Variants in NXPE3 observed in about 807,000 individuals in gnomAD.
NXPE3 encodes the protein NXPE family member 3.
In NXPE3, 26 loss-of-function variants were observed where a neutral mutation model predicts 46.1. The observed-to-expected ratio is 0.56, with a 90% CI of 0.41 to 0.78. The LOEUF (loss-of-function observed/expected upper bound fraction) is 0.78, where lower values mean the gene tolerates loss of function less well. NXPE3 is among the 30% of genes least tolerant of loss of function. The pLI is 0.00. For missense variants in NXPE3, 620 were observed against 686.0 expected, an observed-to-expected ratio of 0.90 and a Z score of 1.07; for synonymous variants, 272 against 257.9, an observed-to-expected ratio of 1.05 and a Z score of -0.52.
rs72937639 is a variant in NXPE3, at chr3:101,792,135, T to G, written c.93+6446T>G. ...GGGGTTGTTTCTTGTAGATTTTGTT[T>G]CAGTTCCTCATAGACACTGGATATT... On this transcript the variant is annotated intron_variant, in intron 4 of 7. Coordinates refer to ENST00000273347, the MANE Select transcript of NXPE3 (RefSeq NM_145037.4). Among the ~76,000 whole-genome samples, 477 of 152,312 alleles carry G rather than the reference T, an allele frequency of 3.1e-3. 2 individuals carry two copies. Among genetic ancestry groups the G allele is most frequent in the African/African-American group, 0.011 (444 of 41,564 alleles).
chr3:101,806,866 T>C (rs1277570227), intron 5 of NXPE3, among the ~76,000 whole-genome samples, 187 bp from the exon 6 acceptor site: 1 of 152,234 alleles, frequency 6.6e-6, no homozygotes, highest in Non-Finnish European at 1.5e-5. Context: ...TTTCAGTTTT[T>C]ATGTACATAA....
At position 101,822,928 on chromosome 3, in the gene NXPE3, C is replaced by T. The variant is rs1942322101; in HGVS notation, c.*974C>T. The T allele has an allele frequency of 6.6e-6, 1 of 151,494 alleles. No individual in the cohort carries two copies. Among genetic ancestry groups the T allele is most frequent in the African/African-American group, 2.4e-5 (1 of 41,220 alleles). The allele number at this position is 151,494 out of a possible 1,614,324, so 9.4% of individuals were successfully genotyped here. On this transcript the variant is annotated 3_prime_UTR_variant, in exon 8 of 8. Transcript: ENST00000273347. Reference sequence around the variant, plus strand: ...TAGAAATTAATAAGATACTAAAATTCATGACAGTTTTTTGTTTGTTTGTTT... The same window carrying T: ...TAGAAATTAATAAGATACTAAAATTTATGACAGTTTTTTGTTTGTTTGTTT...
Position 101,801,910 on chromosome 3 carries a change from T to G in NXPE3, c.769T>G (p.Cys257Gly), listed in dbSNP as rs760791122. Residue 257 changes from cysteine (C) to glycine (G), a missense_variant, in exon 5 of 8, where the codon TGC becomes GGC. Physicochemically the swap from Cys to Gly is radical, Grantham distance 159 (BLOSUM62 -3). Around this residue, in one of 3 missense-constraint regions of NXPE3, gnomAD observed 511 missense variants for 528.6 expected, o/e 0.97. Coordinates refer to ENST00000273347, the MANE Select transcript of NXPE3 (RefSeq NM_145037.4). ...CTGCTTCAAACCAAAGAAGCTCCCT[T>G]GCAGCAGCAGAATTACCCATTTCAA... is the stretch of plus-strand genomic sequence containing the variant. The part of the protein sequence containing the change: ...WFCFKPKKLP[C>G]SSRITHFKGG... 1.2e-5 allele frequency: 20 copies of G among 1,614,028 alleles called. No individual in the cohort carries two copies. The Admixed American group carries it at 3.3e-4, about 27-fold the overall frequency.
intron 4 of NXPE3, among the ~76,000 whole-genome samples, chr3:101,799,587 A>G (rs999884187): frequency 6.6e-6 from 1 of 151,914 alleles, no homozygotes; most frequent in Non-Finnish European, 1.5e-5. Flanking sequence ...CACCACACTC[A>G]GCTAATTTTT....
intron 4 of NXPE3, among the ~76,000 whole-genome samples, chr3:101,795,216 G>A (rs751241131): frequency 3.0e-4 from 45 of 152,210 alleles, no homozygotes; most frequent in Non-Finnish European, 6.0e-4. Context: ...AGACTCAATT[G>A]TAATGAAAAA....
At chr3:101,820,593 G>A (rs1487944402) in intron 7 of NXPE3, among the ~76,000 whole-genome samples, 8 of 152,270 alleles carry the variant, frequency 5.3e-5, no homozygotes, top group African/African-American at 1.2e-4. Context: ...TCATTGCAGC[G>A]CTGTTCACGA....
intron 4 of NXPE3, among the ~76,000 whole-genome samples, chr3:101,800,270 A>G (rs910156339): frequency 6.6e-6 from 1 of 152,170 alleles, no homozygotes; most frequent in African/African-American, 2.4e-5. Context: ...ACCTTCACCT[A>G]GTTAACATAT....
chr3:101,818,712 A>T (rs1420407051), intron 7 of NXPE3, among the ~76,000 whole-genome samples: 2 of 45,878 alleles, frequency 4.4e-5, no homozygotes, highest in African/African-American at 1.4e-4. Flanking sequence ...AATATATGAC[A>T]ATTTATATAT....
At position 101,821,926 on chromosome 3, in the gene NXPE3, T is replaced by C; in HGVS notation, c.1652T>C (p.Leu551Ser). 1 of 1,613,822 alleles carries C rather than the reference T, an allele frequency of 6.2e-7. No individual in the cohort carries two copies. The highest frequency in any genetic ancestry group is 8.5e-7 in the Non-Finnish European group (1 of 1,179,704). ...GTGAAGAACCAGCTGGACATGTTCTTGTCCTTTGTGTGCCCCTTGGAAACC... is the reference window on the plus strand; with the variant it reads ...GTGAAGAACCAGCTGGACATGTTCTCGTCCTTTGTGTGCCCCTTGGAAACC... ...VIVKNQLDMF[L>S]SFVCPLET The change falls in exon 8 of 8, where the codon TTG becomes TCG. Residue 551 changes from leucine (L) to serine (S), a missense_variant. This residue lies in a region of NXPE3 where 34 missense variants were observed against 36.2 expected (regional missense o/e 0.94). Transcript: ENST00000273347.
intron 4 of NXPE3, among the ~76,000 whole-genome samples, chr3:101,787,341 C>T (rs1420146121): frequency 6.6e-6 from 1 of 152,136 alleles, no homozygotes; most frequent in Non-Finnish European, 1.5e-5. Flanking sequence ...GAGTCTCGCT[C>T]TGTTGCCCAG....
chr3:101,798,677 A>G (rs1214900886), intron 4 of NXPE3, among the ~76,000 whole-genome samples: 1 of 150,940 alleles, frequency 6.6e-6, no homozygotes, highest in Non-Finnish European at 1.5e-5. Flanking sequence ...CAGTGGCACA[A>G]TCTCAGCGTA....
intron 4 of NXPE3, among the ~76,000 whole-genome samples, chr3:101,786,613 C>G (rs1222285514): frequency 6.6e-6 from 1 of 152,186 alleles, no homozygotes; most frequent in African/African-American, 2.4e-5. Context: ...AGGCTTAAGG[C>G]ATAAAAGCTA....
chr3:101,781,847 A>G (rs1053572930), intron 1 of NXPE3: 7 of 152,176 alleles, frequency 4.6e-5, no homozygotes, highest in Admixed American at 2.0e-4. Flanking sequence ...ATATTTTTTC[A>G]CTTATATCGC....
Position 101,807,063 on chromosome 3 carries a change from A to G in NXPE3, c.859A>G (p.Ile287Val). The G allele has an allele frequency of 6.2e-7, 1 of 1,612,656 alleles. No individual in the cohort carries two copies. The highest frequency in any genetic ancestry group is 1.1e-5 in the South Asian group (1 of 91,028). Residue 287 changes from isoleucine to valine, a missense_variant, in exon 6 of 8, where the codon ATC becomes GTC. Physicochemically the swap from Ile to Val is conservative, Grantham distance 29. Transcript: ENST00000273347. Reference protein sequence around the residue: ...ESAFFQSGVNIKMPVNSSGPD... With the variant: ...ESAFFQSGVNVKMPVNSSGPD... ...TTATTCCTCTTAAAGTGGTGTCAATATCAAAATGCCAGTCAACTCCAGTGG... is the reference window on the plus strand; with the variant it reads ...TTATTCCTCTTAAAGTGGTGTCAATGTCAAAATGCCAGTCAACTCCAGTGG...
In NXPE3 at chr3:101,789,275, G is replaced by A. The variant is rs114495793; in HGVS notation, c.93+3586G>A. ...TTTCTTCTACAAGGCTGGGTGTGGT[G>A]GCTTAGGCCTGTAATCCCAGCACTT... On this transcript the variant is annotated intron_variant, in intron 4 of 7. Transcript: ENST00000273347. Among the ~76,000 whole-genome samples the A allele has an allele frequency of 5.5e-3, 840 of 152,270 alleles. 4 individuals are homozygous for A. The highest frequency in any genetic ancestry group is 0.019 in the African/African-American group (771 of 41,552).
chr3:101,821,418 A>G lies in NXPE3; in HGVS notation c.1144A>G (p.Asn382Asp). 6.2e-7 allele frequency: 1 copy of G among 1,613,222 alleles called. No homozygotes were observed. The highest frequency in any genetic ancestry group is 8.5e-7 in the Non-Finnish European group (1 of 1,179,282). The change falls in exon 8 of 8, where the codon AAC (asparagine) becomes GAC (aspartate). Residue 382 changes from asparagine (N) to aspartate (D), a missense_variant. This residue lies in a region of NXPE3 where 511 missense variants were observed against 528.6 expected (regional missense o/e 0.97). Coordinates refer to ENST00000273347, the MANE Select transcript of NXPE3 (RefSeq NM_145037.4). The part of the protein sequence containing the change: ...TTFVPDLVEF[N>D]LGSPKNVGPF... ...CCTTGTTTCAGATTTAGTGGAGTTT[A>G]ACTTGGGTAGTCCCAAGAATGTGGG...
At chr3:101,818,266 TG>T (rs1224648577) in intron 7 of NXPE3, among the ~76,000 whole-genome samples, 2 of 152,050 alleles carry the variant, frequency 1.3e-5, no homozygotes, top group African/African-American at 4.8e-5. Flanking sequence ...CTTTTTGTTT[TG>T]CTTGTTTTTT....
At chr3:101,794,062 A>G (rs1940678251) in intron 4 of NXPE3, among the ~76,000 whole-genome samples, 1 of 146,098 alleles carries the variant, frequency 6.8e-6, no homozygotes. Flanking sequence ...ACTGTGTTTT[A>G]TTGTCTGATG....
intron 4 of NXPE3, among the ~76,000 whole-genome samples, chr3:101,794,311 G>A (rs980010158): frequency 2.0e-5 from 3 of 152,202 alleles, no homozygotes; most frequent in Admixed American, 2.0e-4. Context: ...AGTATATTGT[G>A]AGTATTCTTG....
Sources: allele counts gnomAD v4.1 joint callset (sites outside exome capture counted in the v4.1 genomes callset), GRCh38; gene constraint gnomAD v4.1.1; regional missense constraint gnomAD v4.1.1; transcripts MANE v1.5; gene names NCBI Gene and HGNC (gene_info 2026-07-23, HGNC 2026-07-21).